MPC2: variants seen among roughly 807,000 people sequenced by gnomAD.
The protein encoded by MPC2 is brain protein 44.
MPC2 carries 19 observed loss-of-function variants against 19.2 expected under a neutral mutation model. The observed-to-expected ratio is 0.99, with a 90% CI of 0.69 to 1.45. The LOEUF is 1.45. Among genes scored for constraint, MPC2 ranks in the 40% most tolerant of loss-of-function variants. The pLI is 0.00. For synonymous variants in MPC2, 61 were observed against 54.3 expected, an observed-to-expected ratio of 1.12 and a Z score of -0.54; for missense variants, 122 against 153.0, an observed-to-expected ratio of 0.80 and a Z score of 1.07.
chr1:167,936,968 C>G lies in MPC2; in HGVS notation c.-87G>C, dbSNP rs200625438. 3.7e-6 allele frequency: 6 copies of G among 1,611,102 alleles called. No individual in the cohort carries two copies. The highest frequency in any genetic ancestry group is 5.1e-6 in the Non-Finnish European group (6 of 1,179,242). On this transcript the variant is annotated 5_prime_UTR_variant, in exon 1 of 6. Coordinates refer to ENST00000271373, the MANE Select transcript of MPC2 (RefSeq NM_001143674.4). ...TGTGGGACGTGAGGAAAAGGTCCCT[C>G]GGGCTGGAGGACCCGTCCCGGCTGC...
chr1:167,936,876 C>A, intron 1 of MPC2, 63 bp downstream of exon 1: 1 of 1,520,548 alleles, frequency 6.6e-7, no homozygotes, highest in Non-Finnish European at 9.0e-7. Context: ...CTCCCCCACG[C>A]GGTGGTCTCC....
intron 3 of MPC2, among the ~76,000 whole-genome samples, chr1:167,923,961 T>C (rs946066294): frequency 1.3e-5 from 2 of 152,222 alleles, no homozygotes; most frequent in Admixed American, 6.5e-5. Context: ...CCACCACAAT[T>C]GTTTCTTTTC....
rs754024630 is a variant in MPC2 at position 167,935,851 on chromosome 1, G to A, written c.-10C>T. The A allele has an allele frequency of 3.9e-6, 6 of 1,546,694 alleles. No individual in the cohort carries two copies. The highest frequency in any genetic ancestry group is 4.4e-6 in the Non-Finnish European group (5 of 1,144,276). ...CACCGGCGGCCGACATCGCCGCCGA[G>A]GGATCGTTGGCAGCCGGGTGGGAGC... On this transcript the variant is annotated 5_prime_UTR_variant, in exon 2 of 6. Coordinates refer to ENST00000271373, the MANE Select transcript of MPC2 (RefSeq NM_001143674.4).
intron 5 of MPC2, among the ~76,000 whole-genome samples, chr1:167,918,795 G>A (rs185012800): frequency 2.0e-5 from 3 of 152,012 alleles, no homozygotes; most frequent in Admixed American, 6.6e-5. Flanking sequence ...GTGTTTCACC[G>A]TGTTAGCCAG....
At position 167,920,038 on chromosome 1, in the gene MPC2, C is replaced by A; in HGVS notation, c.288G>T (p.Leu96=). 1 of 1,613,424 alleles carries A rather than the reference C, an allele frequency of 6.2e-7. No individual in the cohort carries two copies. Among genetic ancestry groups the A allele is most frequent in the Non-Finnish European group, 8.5e-7 (1 of 1,179,704 alleles). ...SLVIIPKNWS[L]FAVNFFVGAA... is the part of the protein sequence containing the mutation. ...CCCCCACAAAGAAATTAACAGCAAA[C>A]AGACTCCAATTTTTTGGAATAATTA... Residue 96 remains leucine, a synonymous_variant, in exon 5 of 6, where the codon CTG becomes CTT. Transcript: ENST00000271373.
In MPC2 at chr1:167,920,041, A is replaced by T. The variant is rs751101699; in HGVS notation, c.285T>A (p.Ser95Arg). 1 of 1,613,492 alleles carries T rather than the reference A, an allele frequency of 6.2e-7. No individual in the cohort carries two copies. The highest frequency in any genetic ancestry group is 1.1e-5 in the South Asian group (1 of 90,990). ...YSLVIIPKNW[S>R]LFAVNFFVGA... ...CCACAAAGAAATTAACAGCAAACAG[A>T]CTCCAATTTTTTGGAATAATTACAA... Residue 95 changes from serine (S) to arginine (R), a missense_variant, in exon 5 of 6, where the codon AGT (serine) becomes AGA (arginine). Physicochemically the swap from Ser to Arg is moderately radical, Grantham distance 110. Transcript: ENST00000271373.
Position 167,918,178 on chromosome 1 carries a change from C to A in MPC2, c.*145G>T. On this transcript the variant is annotated 3_prime_UTR_variant, in exon 6 of 6. Coordinates refer to ENST00000271373, the MANE Select transcript of MPC2 (RefSeq NM_001143674.4). Reference sequence around the variant, plus strand: ...AGAGACTGTTATTAAAAGTTTGCTGCATTTTTCTATTGAATCAAGAACTAG... The same window carrying A: ...AGAGACTGTTATTAAAAGTTTGCTGAATTTTTCTATTGAATCAAGAACTAG... The A allele has an allele frequency of 1.7e-6, 1 of 583,470 alleles. No individual in the cohort carries two copies. 36.1% of individuals were successfully genotyped at this position (583,470 alleles called of 1,614,324 possible).
rs1173464044 is a variant in MPC2, at chr1:167,918,318, C to T, written c.*5G>A. On this transcript the variant is annotated 3_prime_UTR_variant, in exon 6 of 6. Transcript: ENST00000271373. ...TCTAGATTGTTCAGGTGATCAGGAA[C>T]TCTTTTATTTGTGTGCTTTAGCTTT... 2 of 1,564,944 alleles carry T rather than the reference C, an allele frequency of 1.3e-6. No homozygotes were observed. Among genetic ancestry groups the T allele is most frequent in the African/African-American group, 1.4e-5 (1 of 73,344 alleles).
intron 2 of MPC2, among the ~76,000 whole-genome samples, chr1:167,926,596 A>AC (rs1280328721): frequency 1.3e-5 from 2 of 152,214 alleles, no homozygotes; most frequent in African/African-American, 4.8e-5. Flanking sequence ...AGTTGCCCCA[A>AC]CTGTGGTGCC....
At chr1:167,929,545 A>G (rs1670850068) in intron 2 of MPC2, among the ~76,000 whole-genome samples, 1 of 152,248 alleles carries the variant, frequency 6.6e-6, no homozygotes. Flanking sequence ...AAATAATAAC[A>G]GACATAAATT....
intron 2 of MPC2, 137 bp downstream of exon 2, chr1:167,935,596 G>C: frequency 1.5e-6 from 1 of 685,102 alleles, no homozygotes; most frequent in East Asian, 2.7e-5. Flanking sequence ...GGCTAGGAGA[G>C]TAGACGGCTT....
At chr1:167,936,844 G>A (rs1178619763) in intron 1 of MPC2, 95 bp downstream of exon 1, 6 of 1,354,488 alleles carry the variant, frequency 4.4e-6, no homozygotes, top group East Asian at 2.5e-5. Context: ...TGTTGAAACG[G>A]GTGTCCCCTC....
At chr1:167,934,194 C>A (rs1230124334) in intron 2 of MPC2, among the ~76,000 whole-genome samples, 1 of 152,106 alleles carries the variant, frequency 6.6e-6, no homozygotes, top group African/African-American at 2.4e-5. Context: ...GCAGTAATTA[C>A]AGGTGGCTAA....
Position 167,920,540 on chromosome 1 carries a change from A to C in MPC2, c.235+7T>G. 1 of 1,611,826 alleles carries C rather than the reference A, an allele frequency of 6.2e-7. No individual in the cohort carries two copies. The highest frequency in any genetic ancestry group is 1.1e-5 in the South Asian group (1 of 90,458). ...CAAGAAACACAGAAGATATTTATTTAATTTACCTGTAGCCATCAAAACAGC... is the reference window on the plus strand; with the variant it reads ...CAAGAAACACAGAAGATATTTATTTCATTTACCTGTAGCCATCAAAACAGC... On this transcript the variant is annotated splice_region_variant and intron_variant, in intron 4 of 5. Coordinates refer to ENST00000271373, the MANE Select transcript of MPC2 (RefSeq NM_001143674.4).
intron 2 of MPC2, among the ~76,000 whole-genome samples, chr1:167,935,247 A>G (rs1671069006): frequency 6.6e-6 from 1 of 152,216 alleles, no homozygotes; most frequent in African/African-American, 2.4e-5. Context: ...GATGAAGTAA[A>G]GCATGCAGTT....
At chr1:167,936,141 G>A (rs1671180023) in intron 1 of MPC2, 1 of 379,272 alleles carries the variant, frequency 2.6e-6, no homozygotes, top group African/African-American at 2.1e-5. Context: ...CACCAAGTCT[G>A]CGCTGCGCCC....
intron 2 of MPC2, 21 bp downstream of exon 2, chr1:167,935,712 G>C: frequency 6.5e-7 from 1 of 1,544,226 alleles, no homozygotes; most frequent in Non-Finnish European, 8.8e-7. Context: ...TCTCGATAAG[G>C]AGCCATTCAG....
chr1:167,920,481 G>A, intron 4 of MPC2, 66 bp downstream of exon 4: 1 of 1,508,172 alleles, frequency 6.6e-7, no homozygotes. Flanking sequence ...TAAATAAACT[G>A]ATATAAAAGA....
intron 3 of MPC2, 149 bp from the exon 4 acceptor site, chr1:167,920,780 C>CA (rs141169447): frequency 8.1e-4 from 637 of 782,630 alleles, no homozygotes; most frequent in South Asian, 1.2e-3. Flanking sequence ...TAGATTACAA[C>CA]AAAAAAAAAG....
Sources: gnomAD v4.1 joint callset for allele counts (sites outside exome capture counted in the v4.1 genomes callset) on GRCh38, gnomAD v4.1.1 for gene constraint, MANE v1.5 for transcripts, NCBI Gene and HGNC (gene_info 2026-07-23, HGNC 2026-07-21) for gene names.